BLTP2: variants seen among roughly 807,000 people sequenced by gnomAD.
The protein encoded by BLTP2 is bridge-like lipid transfer protein family member 2, also known as U937-associated antigen.
chr17:28,636,392 T>C, the BLTP2 span, among the ~76,000 whole-genome samples: 14 of 152,218 alleles, frequency 9.2e-5, no homozygotes, highest in Non-Finnish European at 1.8e-4. Context: ...CCTTCCAGTC[T>C]TTTAATGGGC....
the BLTP2 span, chr17:28,638,196 G>A: frequency 3.6e-5 from 58 of 1,599,340 alleles, no homozygotes; most frequent in East Asian, 6.7e-5. Flanking sequence ...GCGCTCTGAC[G>A]CATGACAGGA....
chr17:28,628,068 A>G, the BLTP2 span, among the ~76,000 whole-genome samples: 1 of 152,178 alleles, frequency 6.6e-6, no homozygotes, highest in Non-Finnish European at 1.5e-5. Flanking sequence ...TCTTCTGGCC[A>G]TAGGACCAGA....
At chr17:28,641,122 A>G in the BLTP2 span, among the ~76,000 whole-genome samples, 1 of 152,070 alleles carries the variant, frequency 6.6e-6, no homozygotes, top group Non-Finnish European at 1.5e-5. Context: ...GTCCGCACAT[A>G]CTCAAGTCCA....
At chr17:28,623,935 C>T in the BLTP2 span, 3 of 1,613,960 alleles carry the variant, frequency 1.9e-6, no homozygotes, top group Non-Finnish European at 2.5e-6. Context: ...CACAATGACA[C>T]AGCCTTCTGT....
the BLTP2 span, chr17:28,634,797 T>C: frequency 1.2e-6 from 2 of 1,613,794 alleles, no homozygotes; most frequent in East Asian, 4.5e-5. Context: ...GCTCCTCAAT[T>C]TTGCGGGCAG....
chr17:28,636,931 C>A, the BLTP2 span: 12 of 1,573,014 alleles, frequency 7.6e-6, no homozygotes, highest in Non-Finnish European at 1.0e-5. Context: ...GAGGAAAAAA[C>A]CAGCCTGGCC....
At chr17:28,616,849 T>A in the BLTP2 span, 1 of 1,603,868 alleles carries the variant, frequency 6.2e-7, no homozygotes. The surrounding 1 kb of genome is among the most constrained non-coding windows in gnomAD (Gnocchi z 4.8). Flanking sequence ...GGCTTTTGAA[T>A]GTCCCTTGTT....
the BLTP2 span, chr17:28,634,566 A>C: frequency 6.2e-7 from 1 of 1,614,152 alleles, no homozygotes; most frequent in Admixed American, 1.7e-5. Context: ...ACTGAATGAC[A>C]AGATCTAATC....
chr17:28,641,999 G>A, the BLTP2 span: 2 of 1,614,224 alleles, frequency 1.2e-6, no homozygotes, highest in African/African-American at 1.3e-5. Flanking sequence ...CACAGTGATA[G>A]CAGTGAGATG....
the BLTP2 span, chr17:28,641,826 T>G: frequency 6.9e-7 from 1 of 1,445,512 alleles, no homozygotes; most frequent in Non-Finnish European, 9.5e-7. Context: ...CCACTATTTT[T>G]TCTACTTCCA....
chr17:28,640,569 C>G, the BLTP2 span: 5 of 1,614,138 alleles, frequency 3.1e-6, no homozygotes, highest in Non-Finnish European at 3.4e-6. Context: ...CCTCTTTTGA[C>G]TATTCATGGA....
At chr17:28,634,201 G>C in the BLTP2 span, 1 of 940,544 alleles carries the variant, frequency 1.1e-6, no homozygotes, top group Non-Finnish European at 1.6e-6. Flanking sequence ...TCAATTGAGA[G>C]AACAAGGGCA....
the BLTP2 span, among the ~76,000 whole-genome samples, chr17:28,627,569 G>A: frequency 3.9e-5 from 6 of 152,076 alleles, no homozygotes; most frequent in Admixed American, 6.6e-5. Context: ...ACCATGCACG[G>A]CTAATTTTTT....
the BLTP2 span, chr17:28,643,552 GCAAACAC>G: frequency 6.5e-7 from 1 of 1,539,468 alleles, no homozygotes; most frequent in Non-Finnish European, 9.0e-7. Context: ...GTGTCACTCT[GCAAACAC>G]CAACTCCAAA....
chr17:28,620,974 C>T, the BLTP2 span: 1 of 1,612,358 alleles, frequency 6.2e-7, no homozygotes, highest in Non-Finnish European at 8.5e-7. Flanking sequence ...AAAAGCCTTT[C>T]AAGCCCTGAA....
chr17:28,638,792 A>G, the BLTP2 span: 2 of 596,766 alleles, frequency 3.4e-6, no homozygotes, highest in Non-Finnish European at 6.0e-6. Context: ...TAAAAGGCTG[A>G]ACTCATCAGT....
chr17:28,633,583 A>G, the BLTP2 span: 3 of 1,614,118 alleles, frequency 1.9e-6, no homozygotes, highest in South Asian at 1.1e-5. Context: ...CGCCTGTTCA[A>G]TGTCCATGTG....
the BLTP2 span, chr17:28,638,440 T>TTGCA: frequency 1.2e-6 from 2 of 1,610,080 alleles, no homozygotes; most frequent in Non-Finnish European, 1.7e-6. Context: ...GAAAGAGGGA[T>TTGCA]TGCATGGAGC....
chr17:28,625,423 T>C, the BLTP2 span, among the ~76,000 whole-genome samples: 4 of 151,684 alleles, frequency 2.6e-5, no homozygotes, highest in Non-Finnish European at 5.9e-5. Context: ...CTCTTACCTC[T>C]ATGCTGAAAT....
Sources: gnomAD v4.1 joint callset for allele counts (sites outside exome capture counted in the v4.1 genomes callset) on GRCh38, gnomAD v4.1.1 for gene constraint, Gnocchi (gnomAD v3.1) non-coding constraint, MANE v1.5 for transcripts, NCBI Gene and HGNC (gene_info 2026-07-23, HGNC 2026-07-21) for gene names.